DLGAP2: variants seen among roughly 807,000 people sequenced by gnomAD.
DLGAP2 encodes DLG associated protein 2, also known as disks large-associated protein 2.
DLGAP2 carries 26 observed loss-of-function variants against 100.3 expected under a neutral mutation model. The ratio of observed to expected loss-of-function variants is 0.26; its 90% confidence interval spans 0.19 to 0.36. DLGAP2 has a LOEUF of 0.36. Among genes scored for constraint, DLGAP2 ranks in the 10% least tolerant of loss-of-function variants. The pLI is 1.00. For synonymous variants in DLGAP2, 886 were observed against 630.1 expected (o/e 1.41, Z -6.08); for missense variants, 1,858 against 1,453.2 (o/e 1.28, Z -4.53).
At chr8:1,230,083 C>T (rs1315308026) in intron 2 of DLGAP2, among the ~76,000 whole-genome samples, 3 of 151,664 alleles carry the variant, frequency 2.0e-5, no homozygotes, top group South Asian at 4.1e-4. Flanking sequence ...TTTGTCTTCA[C>T]AGATGATATG....
chr8:1,294,314 T>C (rs1164387050), intron 3 of DLGAP2, among the ~76,000 whole-genome samples: 14 of 152,190 alleles, frequency 9.2e-5, no homozygotes, highest in Non-Finnish European at 2.1e-4. Flanking sequence ...AAAAATGCCA[T>C]GTTCACATTA....
intron 12 of DLGAP2, among the ~76,000 whole-genome samples, chr8:1,691,021 T>C (rs1341988422): frequency 6.6e-6 from 1 of 152,184 alleles, no homozygotes; most frequent in Admixed American, 6.5e-5. Context: ...CTCACAGCAC[T>C]GCCAGGAGAT....
intron 5 of DLGAP2, among the ~76,000 whole-genome samples, chr8:1,558,003 C>G (rs867058991): frequency 2.6e-5 from 4 of 152,222 alleles, no homozygotes; most frequent in South Asian, 2.1e-4. Flanking sequence ...GCAGCTTTCT[C>G]CCGCTGAATG....
chr8:1,275,044 A>T (rs1312143168), intron 3 of DLGAP2, among the ~76,000 whole-genome samples: 2 of 152,038 alleles, frequency 1.3e-5, no homozygotes, highest in African/African-American at 4.8e-5. Context: ...ACAGACAGAC[A>T]GAGCCCACAT....
intron 3 of DLGAP2, among the ~76,000 whole-genome samples, chr8:1,382,724 C>G (rs1222647655): frequency 1.3e-5 from 2 of 152,012 alleles, no homozygotes; most frequent in Non-Finnish European, 2.9e-5. Context: ...CCTGGGCAAC[C>G]CAGTGAGACC....
chr8:1,189,863 T>C (rs1423917498), intron 2 of DLGAP2, among the ~76,000 whole-genome samples: 1 of 151,844 alleles, frequency 6.6e-6, no homozygotes, highest in Non-Finnish European at 1.5e-5. Flanking sequence ...GAGGCGGAGA[T>C]TAAGGAAAAT....
At chr8:1,267,653 C>G (rs1021613218) in intron 3 of DLGAP2, among the ~76,000 whole-genome samples, 1 of 149,478 alleles carries the variant, frequency 6.7e-6, no homozygotes, top group Admixed American at 6.7e-5. Flanking sequence ...AAAAAGGCCT[C>G]CAGGGTCAGC....
chr8:799,016 G>T (rs1796094180), intron 1 of DLGAP2, among the ~76,000 whole-genome samples: 1 of 152,332 alleles, frequency 6.6e-6, no homozygotes, highest in East Asian at 1.9e-4. Context: ...ATTTCAGGTC[G>T]CTGGGGACAG....
At chr8:858,589 C>CGCTGTCACCGTGGGCACGTGTGTGAT (rs1563066870) in intron 1 of DLGAP2, among the ~76,000 whole-genome samples, 5 of 98,468 alleles carry the variant, frequency 5.1e-5, no homozygotes, top group South Asian at 3.4e-4. Context: ...ACATGTGTGA[C>CGCTGTCACCGTGGGCACGTGTGTGAT]GCTGTCACCG....
At chr8:815,084 A>T (rs1796451806) in intron 1 of DLGAP2, among the ~76,000 whole-genome samples, 1 of 152,166 alleles carries the variant, frequency 6.6e-6, no homozygotes, top group African/African-American at 2.4e-5. Context: ...AGAAGGAGGT[A>T]ATAGAAAGGG....
intron 6 of DLGAP2, among the ~76,000 whole-genome samples, chr8:1,587,208 C>T (rs969678639): frequency 1.3e-5 from 2 of 152,202 alleles, no homozygotes; most frequent in African/African-American, 4.8e-5. Flanking sequence ...AAATCCATTG[C>T]CCGTTCATCT....
intron 5 of DLGAP2, among the ~76,000 whole-genome samples, chr8:1,556,778 A>C (rs2130544513): frequency 6.6e-6 from 1 of 152,306 alleles, no homozygotes; most frequent in African/African-American, 2.4e-5. Context: ...CTCAGAGGAA[A>C]AACCACAACA....
At chr8:1,115,607 C>T (rs1805092111) in intron 2 of DLGAP2, among the ~76,000 whole-genome samples, 3 of 152,180 alleles carry the variant, frequency 2.0e-5, no homozygotes, top group Admixed American at 2.0e-4. Flanking sequence ...GTGGTGGCAT[C>T]TTTAGGGATC....
At position 1,149,295 on chromosome 8, in the gene DLGAP2, G is replaced by GC. The variant is rs1158458857; in HGVS notation, c.74-109554dup. On this transcript the variant is annotated intron_variant, in intron 2 of 14. Transcript: ENST00000637795. Reference sequence around the variant, plus strand: ...CGAGTAGTTGGGACTACAGGCACCCGCCACCGCACCCGGCTAATTTTTTTT... The same window carrying GC: ...CGAGTAGTTGGGACTACAGGCACCCGCCCACCGCACCCGGCTAATTTTTTTT... Among the ~76,000 whole-genome samples, 6 of 152,038 alleles carry GC rather than the reference G, an allele frequency of 3.9e-5. No homozygotes were observed. In the South Asian group the frequency reaches 6.2e-4, roughly 16 times the overall value.
At chr8:1,429,088 G>A (rs1427791686) in intron 3 of DLGAP2, among the ~76,000 whole-genome samples, 1 of 152,218 alleles carries the variant, frequency 6.6e-6, no homozygotes, top group East Asian at 1.9e-4. Flanking sequence ...AGGTGAGACA[G>A]AAAATTTCAT....
chr8:1,391,830 C>G (rs187883330), intron 3 of DLGAP2, among the ~76,000 whole-genome samples: 84 of 152,390 alleles, frequency 5.5e-4, no homozygotes, highest in Non-Finnish European at 8.7e-4. Flanking sequence ...GCGGAAGCAG[C>G]AAATGTGTTG....
rs1365130253 is a variant in DLGAP2 at position 1,537,735 on chromosome 8, AAGGAAGGAAGG to A, written c.173-10889_173-10879del. Among the ~76,000 whole-genome samples the A allele has an allele frequency of 9.6e-5, 5 of 52,028 alleles. No homozygotes were observed. The East Asian group carries it at 1.5e-3, about 15-fold the overall frequency. 34.1% of individuals were successfully genotyped at this position (52,028 alleles called of 152,430 possible). A position where few individuals can be genotyped will look rare whatever the true frequency, so the allele number is the denominator to read the frequency against. ...GATGGATGGATGAAAGGATGGAAGGAAGGAAGGAAGGAAGGAAGGAAGGAAGGAAGGAAGGA... is the reference window on the plus strand; with the variant it reads ...GATGGATGGATGAAAGGATGGAAGGAAAGGAAGGAAGGAAGGAAGGAAGGA... On this transcript the variant is annotated intron_variant, in intron 4 of 14. Coordinates refer to ENST00000637795, the MANE Select transcript of DLGAP2 (RefSeq NM_001346810.2).
chr8:1,124,476 G>A (rs1796121285), intron 2 of DLGAP2, among the ~76,000 whole-genome samples: 1 of 152,110 alleles, frequency 6.6e-6, no homozygotes, highest in Non-Finnish European at 1.5e-5. Flanking sequence ...ACCATGACTT[G>A]GCTAATGTTT....
chr8:1,290,033 C>G (rs1440166803), intron 3 of DLGAP2, among the ~76,000 whole-genome samples: 1 of 152,158 alleles, frequency 6.6e-6, no homozygotes, highest in African/African-American at 2.4e-5. Flanking sequence ...AGAAAACTAA[C>G]CACTGTTCAG....
Sources: gnomAD v4.1 joint callset for allele counts (sites outside exome capture counted in the v4.1 genomes callset) on GRCh38, gnomAD v4.1.1 for gene constraint, MANE v1.5 for transcripts, NCBI Gene and HGNC (gene_info 2026-07-23, HGNC 2026-07-21) for gene names.